Variants in TMCO4 observed in about 807,000 individuals in gnomAD.
TMCO4 encodes the protein transmembrane and coiled-coil domains 4, also known as transmembrane and coiled-coil domain-containing protein 4.
In TMCO4, 58 loss-of-function variants were observed where a neutral mutation model predicts 64.7. The observed-to-expected ratio is 0.90, with a 90% CI of 0.73 to 1.12. The LOEUF (loss-of-function observed/expected upper bound fraction) is 1.12, where lower values mean the gene tolerates loss of function less well. Among genes scored for constraint, TMCO4 ranks in the 50% most tolerant of loss-of-function variants. The pLI is 0.00. For missense variants in TMCO4, 780 were observed against 825.9 expected, an observed-to-expected ratio of 0.94 and a Z score of 0.68; for synonymous variants, 325 against 346.1, an observed-to-expected ratio of 0.94 and a Z score of 0.68.
At chr1:19,754,559 A>G (rs1477034025) in intron 7 of TMCO4, among the ~76,000 whole-genome samples, 1 of 152,146 alleles carries the variant, frequency 6.6e-6, no homozygotes, top group South Asian at 2.1e-4. Context: ...CTGGCTGGTC[A>G]AAGAACACCA....
chr1:19,740,262 C>T (rs2095473311), intron 11 of TMCO4, among the ~76,000 whole-genome samples: 1 of 152,186 alleles, frequency 6.6e-6, no homozygotes, highest in Non-Finnish European at 1.5e-5. Flanking sequence ...CCCATCCCCT[C>T]TAGACTCAGC....
intron 2 of TMCO4, among the ~76,000 whole-genome samples, chr1:19,789,776 G>A (rs1482203552): frequency 6.6e-6 from 1 of 152,190 alleles, no homozygotes; most frequent in Non-Finnish European, 1.5e-5. Flanking sequence ...AAGGAGGCTG[G>A]GTGCAGTGGC....
chr1:19,694,347 G>T lies in TMCO4; in HGVS notation c.1500+87C>A, dbSNP rs556731731. The T allele has an allele frequency of 8.7e-6, 10 of 1,155,314 alleles. No homozygotes were observed. In the African/African-American group the frequency reaches 1.0e-4, roughly 12 times the overall value. 71.6% of individuals were successfully genotyped at this position (1,155,314 alleles called of 1,614,324 possible). On this transcript the variant is annotated intron_variant, in intron 15 of 15. Coordinates refer to ENST00000294543, the MANE Select transcript of TMCO4 (RefSeq NM_181719.7). ...TTTCTCCTGTGGCGTGGACCAGGCT[G>T]GGGCCACTGTCTCCAGGGGACAGGG...
intron 14 of TMCO4, among the ~76,000 whole-genome samples, chr1:19,696,333 C>A (rs868312472): frequency 6.6e-6 from 1 of 151,994 alleles, no homozygotes; most frequent in Admixed American, 6.6e-5. Context: ...GAGGATTGCT[C>A]GGGCCCAGGC....
intron 2 of TMCO4, among the ~76,000 whole-genome samples, chr1:19,795,233 G>A (rs2044248986): frequency 6.6e-6 from 1 of 152,062 alleles, no homozygotes; most frequent in Admixed American, 6.5e-5. Flanking sequence ...CACTCTGGGA[G>A]GCTGAGGTGG....
At chr1:19,770,189 G>C (rs746979813) in intron 6 of TMCO4, among the ~76,000 whole-genome samples, 2 of 152,246 alleles carry the variant, frequency 1.3e-5, no homozygotes, top group Non-Finnish European at 2.9e-5. Context: ...CTGCTGGCCA[G>C]AGTGGTGGCA....
At chr1:19,715,758 A>G (rs2095352784) in intron 13 of TMCO4, among the ~76,000 whole-genome samples, 1 of 152,168 alleles carries the variant, frequency 6.6e-6, no homozygotes, top group Non-Finnish European at 1.5e-5. Context: ...CCTCTATGAA[A>G]GTGTGCACAC....
At chr1:19,733,466 C>T (rs764842567) in intron 13 of TMCO4, among the ~76,000 whole-genome samples, 7 of 152,096 alleles carry the variant, frequency 4.6e-5, no homozygotes, top group Non-Finnish European at 1.0e-4. Context: ...CCATCAAGCA[C>T]CTAGTATGTG....
chr1:19,711,679 C>G (rs919991572), intron 13 of TMCO4, among the ~76,000 whole-genome samples: 16 of 150,788 alleles, frequency 1.1e-4, no homozygotes, highest in Non-Finnish European at 2.1e-4. Flanking sequence ...TTTTTTGAGA[C>G]AGAGTTTTGC....
intron 13 of TMCO4, among the ~76,000 whole-genome samples, chr1:19,731,308 C>T (rs2095428996): frequency 6.6e-6 from 1 of 152,196 alleles, no homozygotes; most frequent in Admixed American, 6.5e-5. Flanking sequence ...TGCCTACTCC[C>T]ATTTATTAAC....
In TMCO4 at chr1:19,755,368, C is replaced by T. The variant is rs372403884; in HGVS notation, c.515+266G>A. The stretch of plus-strand genomic sequence containing the variant: ...CTCGAACTCCTGACCTCAAGTGATC[C>T]GCCTGCAGGGTGCTGGGATTACAGG... On this transcript the variant is annotated intron_variant, in intron 7 of 15. Transcript: ENST00000294543. Among the ~76,000 whole-genome samples the T allele has an allele frequency of 4.6e-5, 7 of 152,158 alleles. No homozygotes were observed. The East Asian group carries it at 5.8e-4, about 13-fold the overall frequency.
intron 13 of TMCO4, among the ~76,000 whole-genome samples, chr1:19,714,487 C>T (rs1310018749): frequency 6.6e-6 from 1 of 152,138 alleles, no homozygotes; most frequent in African/African-American, 2.4e-5. Flanking sequence ...CGGTCTAATT[C>T]TGATTGTGTT....
intron 12 of TMCO4, among the ~76,000 whole-genome samples, chr1:19,737,817 T>C (rs1318920730): frequency 6.6e-6 from 1 of 152,232 alleles, no homozygotes; most frequent in Non-Finnish European, 1.5e-5. Flanking sequence ...TTGCGGCAAA[T>C]GGCTGCAGTG....
rs1301367933 is a variant in TMCO4, at chr1:19,732,039, G to C, written c.1264+5333C>G. Among the ~76,000 whole-genome samples the C allele has an allele frequency of 6.6e-6, 1 of 152,224 alleles. No homozygotes were observed. The highest frequency in any genetic ancestry group is 1.5e-5 in the Non-Finnish European group (1 of 68,038). On this transcript the variant is annotated intron_variant, in intron 13 of 15. Coordinates refer to ENST00000294543, the MANE Select transcript of TMCO4 (RefSeq NM_181719.7). This position sits in a 1 kb window ranked among gnomAD's most constrained non-coding sequence, Gnocchi z 4.8. Reference sequence around the variant, plus strand: ...GTGAAGGCCGGCATGGACAGCGGGGGTTTTAAACTGAGCGGGGCCTGTGCA... The same window carrying C: ...GTGAAGGCCGGCATGGACAGCGGGGCTTTTAAACTGAGCGGGGCCTGTGCA...
intron 6 of TMCO4, among the ~76,000 whole-genome samples, chr1:19,756,854 C>T (rs78480129): frequency 0.02 from 3,061 of 151,882 alleles, 54 homozygotes; most frequent in East Asian, 0.042. Context: ...ATAAAAAAGA[C>T]ACAGTTCTGT....
At chr1:19,793,283 A>T (rs1299440397) in intron 2 of TMCO4, among the ~76,000 whole-genome samples, 1 of 152,138 alleles carries the variant, frequency 6.6e-6, no homozygotes, top group African/African-American at 2.4e-5. Context: ...CTACAGCGTC[A>T]TGGGAAGGCT....
At chr1:19,795,732 G>T (rs968492018) in intron 2 of TMCO4, among the ~76,000 whole-genome samples, 2 of 152,118 alleles carry the variant, frequency 1.3e-5, no homozygotes, top group Non-Finnish European at 2.9e-5. Flanking sequence ...CTTAGGCCAC[G>T]GGCAGCCATC....
At chr1:19,702,297 A>AAAAAG (rs1294894038) in intron 13 of TMCO4, among the ~76,000 whole-genome samples, 2 of 151,646 alleles carry the variant, frequency 1.3e-5, no homozygotes, top group East Asian at 3.9e-4. Flanking sequence ...AAAAAAAAAA[A>AAAAAG]AAAAAAAGTC....
chr1:19,706,812 T>G (rs1261254351), intron 13 of TMCO4, among the ~76,000 whole-genome samples: 1 of 152,218 alleles, frequency 6.6e-6, no homozygotes, highest in African/African-American at 2.4e-5. Flanking sequence ...TACCTCTTAT[T>G]GCTATTTTAA....
Sources: allele counts gnomAD v4.1 joint callset (sites outside exome capture counted in the v4.1 genomes callset), GRCh38; gene constraint gnomAD v4.1.1; non-coding constraint Gnocchi (gnomAD v3.1); transcripts MANE v1.5; gene names NCBI Gene and HGNC (gene_info 2026-07-23, HGNC 2026-07-21).